The following OR2L13 variants were observed in gnomAD, a reference collection of about 807,000 sequenced individuals.
OR2L13 encodes the protein olfactory receptor 2L13.
Under a neutral mutation model 15.3 loss-of-function variants are expected in OR2L13, and 14 were observed. That is an observed-to-expected ratio of 0.91 (90% CI 0.60 to 1.43). The LOEUF is 1.43. Among genes scored for constraint, OR2L13 ranks in the 40% most tolerant of loss-of-function variants. The pLI, the probability that OR2L13 is intolerant of heterozygous loss-of-function variation, is 0.00. For missense variants in OR2L13, 367 were observed against 387.9 expected, an observed-to-expected ratio of 0.95 and a Z score of 0.45; for synonymous variants, 152 against 142.9, an observed-to-expected ratio of 1.06 and a Z score of -0.45.
the OR2L13 span, among the ~76,000 whole-genome samples, chr1:247,998,820 A>G: frequency 6.6e-6 from 1 of 152,100 alleles, no homozygotes; most frequent in African/African-American, 2.4e-5. Context: ...ACAATGTATT[A>G]ATTTTTTCTT....
chr1:247,989,295 A>G, the OR2L13 span, among the ~76,000 whole-genome samples: 1 of 152,212 alleles, frequency 6.6e-6, no homozygotes, highest in Non-Finnish European at 1.5e-5. Context: ...AGAAGGAAAT[A>G]TAAGTTACTC....
the OR2L13 span, chr1:248,083,628 C>T: frequency 1.8e-5 from 25 of 1,401,020 alleles, no homozygotes; most frequent in Non-Finnish European, 2.3e-5. Context: ...TCATTTGACA[C>T]TAGATCATCT....
chr1:248,002,303 A>G, the OR2L13 span, among the ~76,000 whole-genome samples: 1 of 151,866 alleles, frequency 6.6e-6, no homozygotes, highest in Non-Finnish European at 1.5e-5. Flanking sequence ...TTTTAAGTGT[A>G]GAATTCTGTG....
chr1:247,985,615 T>G, the OR2L13 span, among the ~76,000 whole-genome samples: 40,730 of 151,954 alleles, frequency 0.27, 9,406 homozygotes, highest in African/African-American at 0.63. Flanking sequence ...AATCCTTTGG[T>G]TATATACGCA....
chr1:248,030,846 A>G, the OR2L13 span, among the ~76,000 whole-genome samples: 14 of 152,318 alleles, frequency 9.2e-5, no homozygotes, highest in Admixed American at 5.2e-4. Flanking sequence ...GAGATAGTCA[A>G]TAAAAGTTCA....
the OR2L13 span, among the ~76,000 whole-genome samples, chr1:247,993,762 G>GGAGAGAGAGAGA: frequency 3.7e-5 from 2 of 53,634 alleles, no homozygotes; most frequent in African/African-American, 8.5e-5. Flanking sequence ...AGAGAGAGGG[G>GGAGAGAGAGAGA]GAGAGAGAGA....
chr1:248,032,713 C>T, the OR2L13 span, among the ~76,000 whole-genome samples: 9 of 152,014 alleles, frequency 5.9e-5, no homozygotes, highest in Non-Finnish European at 1.2e-4. Context: ...AATAATATTC[C>T]ATTGTATGTA....
the OR2L13 span, among the ~76,000 whole-genome samples, chr1:247,983,571 A>C: frequency 3.0e-5 from 4 of 133,058 alleles, no homozygotes; most frequent in African/African-American, 1.6e-4. Flanking sequence ...ATTTTTATCT[A>C]AGAAAAAAAT....
the OR2L13 span, among the ~76,000 whole-genome samples, chr1:247,972,839 G>A: frequency 1.7e-4 from 26 of 152,160 alleles, no homozygotes; most frequent in East Asian, 2.5e-3. Flanking sequence ...AAAATTTCAA[G>A]CCAATATCCC....
chr1:248,030,638 G>T, the OR2L13 span, among the ~76,000 whole-genome samples: 2 of 152,110 alleles, frequency 1.3e-5, no homozygotes, highest in African/African-American at 4.8e-5. Flanking sequence ...CATGAGTGAT[G>T]TGCGATTGTA....
the OR2L13 span, among the ~76,000 whole-genome samples, chr1:247,950,011 C>A: frequency 1.4e-5 from 2 of 144,940 alleles, no homozygotes; most frequent in African/African-American, 5.1e-5. Flanking sequence ...TTTGAAAGTA[C>A]ATATTTTTGC....
the OR2L13 span, among the ~76,000 whole-genome samples, chr1:247,995,662 T>C: frequency 6.6e-6 from 1 of 152,246 alleles, no homozygotes; most frequent in Non-Finnish European, 1.5e-5. Flanking sequence ...AGCAGAAACC[T>C]ATCCACATCT....
chr1:247,971,237 C>A, the OR2L13 span, among the ~76,000 whole-genome samples: 3 of 151,880 alleles, frequency 2.0e-5, no homozygotes, highest in East Asian at 5.8e-4. Flanking sequence ...TAGTCTGAAT[C>A]TTTTCTTTTC....
the OR2L13 span, chr1:248,038,788 A>T: frequency 6.2e-7 from 1 of 1,614,064 alleles, no homozygotes; most frequent in Non-Finnish European, 8.5e-7. Context: ...AGAGCCATCA[A>T]TCATTTTTTC....
the OR2L13 span, among the ~76,000 whole-genome samples, chr1:247,963,978 G>T: frequency 6.6e-6 from 1 of 152,164 alleles, no homozygotes; most frequent in African/African-American, 2.4e-5. Flanking sequence ...GCCAGTTCAG[G>T]ATATAGACCA....
At chr1:248,087,120 C>A in the OR2L13 span, among the ~76,000 whole-genome samples, 1 of 152,030 alleles carries the variant, frequency 6.6e-6, no homozygotes. Context: ...GGCATCCTAC[C>A]CTCCACAAAG....
At chr1:248,014,201 A>T in the OR2L13 span, among the ~76,000 whole-genome samples, 1 of 152,132 alleles carries the variant, frequency 6.6e-6, no homozygotes, top group Non-Finnish European at 1.5e-5. Flanking sequence ...ATTTCACCTC[A>T]TATGAATCCA....
chr1:247,939,005 T>C, the OR2L13 span: 1 of 152,204 alleles, frequency 6.6e-6, no homozygotes, highest in East Asian at 1.9e-4. Context: ...GAAACGCAGC[T>C]TTTTCTATTG....
the OR2L13 span, chr1:248,030,134 T>G: frequency 6.6e-6 from 1 of 152,168 alleles, no homozygotes; most frequent in African/African-American, 2.4e-5. Context: ...AGCAATATTC[T>G]TAATGCTTAC....
Sources: allele counts gnomAD v4.1 joint callset (sites outside exome capture counted in the v4.1 genomes callset), GRCh38; gene constraint gnomAD v4.1.1; transcripts MANE v1.5; gene names NCBI Gene and HGNC (gene_info 2026-07-23, HGNC 2026-07-21).